COX17: variants seen among roughly 807,000 people sequenced by gnomAD.
The protein encoded by COX17 is cytochrome c oxidase copper chaperone.
Under a neutral mutation model 6.3 loss-of-function variants are expected in COX17, and 1 was observed. The observed-to-expected ratio is 0.16, with a 90% CI of 0.06 to 0.75. COX17 has a LOEUF of 0.75. Among genes scored for constraint, COX17 ranks in the 30% least tolerant of loss-of-function variants. The probability of loss-of-function intolerance (pLI) is 0.77; values close to 1 mark genes in which losing one functional copy is unlikely to be tolerated. For synonymous variants in COX17, 26 were observed against 30.5 expected (o/e 0.85, Z 0.49); for missense variants, 73 against 81.2 (o/e 0.90, Z 0.39).
At chr3:119,675,446 G>A (rs2053090366) in intron 1 of COX17, 1 of 509,338 alleles carries the variant, frequency 2.0e-6, no homozygotes, top group Non-Finnish European at 3.5e-6. Context: ...TTTTGGGGGG[G>A]AAATCTGATA....
intron 2 of COX17, among the ~76,000 whole-genome samples, chr3:119,671,235 T>C (rs918230132): frequency 7.9e-5 from 12 of 152,168 alleles, no homozygotes; most frequent in African/African-American, 1.4e-4. Context: ...AGGGCCCAAG[T>C]TGTGAATTCT....
At chr3:119,677,023 CGGG>C (rs553331091) in intron 1 of COX17, 178 bp downstream of exon 1, 105,750 of 334,252 alleles carry the variant, frequency 0.32, 12,038 homozygotes, top group East Asian at 0.44. Context: ...CGGGGCGGGG[CGGG>C]GGGGGGGGGC....
At chr3:119,667,466 G>A (rs569487574), downstream of COX17, among the ~76,000 whole-genome samples, 2 of 152,254 alleles carry the variant, frequency 1.3e-5, no homozygotes, top group South Asian at 4.1e-4. Context: ...GTGTTGCTCA[G>A]AGATTAATCA....
At chr3:119,675,357 G>T in intron 1 of COX17, 124 bp from the exon 2 acceptor site, 1 of 662,302 alleles carries the variant, frequency 1.5e-6, no homozygotes, top group Non-Finnish European at 2.7e-6. Context: ...TAAAACAAAC[G>T]CTATTACCTC....
chr3:119,672,893 G>A (rs1463492794), intron 2 of COX17, among the ~76,000 whole-genome samples: 2 of 152,216 alleles, frequency 1.3e-5, no homozygotes, highest in Non-Finnish European at 2.9e-5. Flanking sequence ...AGGACTTTCA[G>A]CCTAGACTGT....
At chr3:119,671,121 C>G (rs978333857) in intron 2 of COX17, among the ~76,000 whole-genome samples, 1 of 152,150 alleles carries the variant, frequency 6.6e-6, no homozygotes, top group Non-Finnish European at 1.5e-5. Flanking sequence ...ATACTTTATG[C>G]CTAGCATTAT....
At chr3:119,664,431 T>C (rs16830286) in intron 3 of COX17, among the ~76,000 whole-genome samples, 12,353 of 150,762 alleles carry the variant, frequency 0.082, 695 homozygotes, top group East Asian at 0.2. Flanking sequence ...GATGAGTAGG[T>C]TTTCCCCAGC....
At position 119,677,206 on chromosome 3, in the gene COX17, C is replaced by T; in HGVS notation, c.105G>A (p.Ala35=). Residue 35 remains alanine, a splice_region_variant and synonymous_variant, in exon 1 of 3, where the codon GCG becomes GCA. Transcript: ENST00000261070. ...GCCCTCTCCGGCTGCGCACTGACCA[C>T]GCATCGCGCGCCTTCTTGGTCTCCG... The part of the protein sequence containing the change: ...ACPETKKARD[A]CIIEKGEEHC... 1 of 1,609,356 alleles carries T rather than the reference C, an allele frequency of 6.2e-7. No individual in the cohort carries two copies. The highest frequency in any genetic ancestry group is 8.5e-7 in the Non-Finnish European group (1 of 1,178,646).
rs1247889569 is a variant in COX17, at chr3:119,675,060, C to T, written c.*4+85G>A. ...TGATACTTAAGCATTTTAGATTAAC[C>T]AGGTGAACTACCTTTCAGAGAGAAT... is the stretch of plus-strand genomic sequence containing the variant. On this transcript the variant is annotated intron_variant, in intron 2 of 2. Transcript: ENST00000261070. The T allele has an allele frequency of 3.9e-5, 36 of 933,672 alleles. No individual in the cohort carries two copies. In the East Asian group the frequency reaches 8.5e-4, roughly 22 times the overall value. The allele number at this position is 933,672 out of a possible 1,614,324, so 57.8% of individuals were successfully genotyped here.
rs1384435689 is a variant in COX17, at chr3:119,675,259, C to A, written c.108-26G>T. ...CTATAAAACAAAATGTACTTGTTATCTAAATATGCATTAAGCACATTATTA... is the reference window on the plus strand; with the variant it reads ...CTATAAAACAAAATGTACTTGTTATATAAATATGCATTAAGCACATTATTA... On this transcript the variant is annotated intron_variant, in intron 1 of 2. Transcript: ENST00000261070. The A allele has an allele frequency of 2.7e-6, 4 of 1,496,974 alleles. No individual in the cohort carries two copies. In the Admixed American group the frequency reaches 6.7e-5, roughly 25 times the overall value. The allele number at this position is 1,496,974 out of a possible 1,614,324, so 92.7% of individuals were successfully genotyped here.
intron 1 of COX17, among the ~76,000 whole-genome samples, chr3:119,676,503 C>G (rs964901618): frequency 2.4e-4 from 36 of 152,184 alleles, no homozygotes; most frequent in African/African-American, 6.5e-4. Context: ...GAGAACAAAT[C>G]TTTTGTGGAT....
chr3:119,670,755 TGTGTGTGTG>T (rs2053035708), intron 2 of COX17, among the ~76,000 whole-genome samples: 1 of 5,652 alleles, frequency 1.8e-4, no homozygotes, highest in African/African-American at 3.0e-4. Context: ...ATCAGTTTTG[TGTGTGTGTG>T]TGTGTGTGTG....
At chr3:119,671,630 C>T (rs1302358952) in intron 2 of COX17, among the ~76,000 whole-genome samples, 1 of 152,132 alleles carries the variant, frequency 6.6e-6, no homozygotes, top group East Asian at 1.9e-4. Flanking sequence ...TGTACATTTC[C>T]GCAACAAGTC....
At chr3:119,676,928 A>C in intron 1 of COX17, 1 of 697,132 alleles carries the variant, frequency 1.4e-6, no homozygotes, top group Non-Finnish European at 2.6e-6. Context: ...TCCCGGTACT[A>C]AGCTACGGGA....
intron 1 of COX17, chr3:119,676,648 GTC>G (rs1194227947): frequency 3.3e-5 from 18 of 552,844 alleles, no homozygotes; most frequent in Non-Finnish European, 4.6e-5. Context: ...GTGTCCTACT[GTC>G]TCTAAATTTT....
intron 1 of COX17, 187 bp from the exon 2 acceptor site, chr3:119,675,420 T>C (rs1577180560): frequency 5.6e-6 from 3 of 537,074 alleles, no homozygotes; most frequent in Non-Finnish European, 1.0e-5. Context: ...TATGAAGACA[T>C]TCCACAGATA....
In COX17 at chr3:119,677,242, G is replaced by A. The variant is rs763886228; in HGVS notation, c.69C>T (p.Cys23=). The stretch of plus-strand genomic sequence containing the variant: ...CCTTCTTGGTCTCCGGGCAAGCGCA[G>A]CAGGGCTTCAGCGGCTTCTTCTCCT... ...ESQEKKPLKP[C]CACPETKKAR... Residue 23 remains cysteine, a synonymous_variant, in exon 1 of 3, where the codon TGC becomes TGT. Coordinates refer to ENST00000261070, the MANE Select transcript of COX17 (RefSeq NM_005694.2). 6.2e-7 allele frequency: 1 copy of A among 1,612,078 alleles called. No homozygotes were observed. Among genetic ancestry groups the A allele is most frequent in the Non-Finnish European group, 8.5e-7 (1 of 1,179,954 alleles).
intron 1 of COX17, 93 bp downstream of exon 1, chr3:119,677,111 G>A: frequency 1.1e-6 from 1 of 940,290 alleles, no homozygotes; most frequent in South Asian, 1.4e-5. Flanking sequence ...GAGGGCAGAA[G>A]GCAGAGGGCA....
intron 1 of COX17, 141 bp downstream of exon 1, chr3:119,677,063 G>A: frequency 4.3e-6 from 3 of 690,578 alleles, no homozygotes; most frequent in Non-Finnish European, 5.2e-6. Flanking sequence ...TGGGGGAAGG[G>A]GGGAAGGAAG....
Sources: gnomAD v4.1 joint callset for allele counts (sites outside exome capture counted in the v4.1 genomes callset) on GRCh38, gnomAD v4.1.1 for gene constraint, MANE v1.5 for transcripts, NCBI Gene and HGNC (gene_info 2026-07-23, HGNC 2026-07-21) for gene names.